Variants in OOSP1 observed in about 807,000 individuals in gnomAD.
The protein encoded by OOSP1 is putative oocyte-secreted protein 1 homolog.
A neutral mutation model predicts 5.7 loss-of-function variants in OOSP1; 11 were observed. That is an observed-to-expected ratio of 1.94 (90% confidence interval 1.22 to 3.20). The LOEUF (loss-of-function observed/expected upper bound fraction) is 3.20. Among genes scored for constraint, OOSP1 ranks in the 30% most tolerant of loss-of-function variants. The pLI, the probability that OOSP1 is intolerant of heterozygous loss-of-function variation, is 0.00. For synonymous variants in OOSP1, 44 were observed against 20.0 expected (o/e 2.20, Z -3.20); for missense variants, 83 against 54.1 (o/e 1.53, Z -1.67).
chr11:59,943,318 C>A (rs1278170027), intron 2 of OOSP1, among the ~76,000 whole-genome samples: 1 of 151,882 alleles, frequency 6.6e-6, no homozygotes, highest in Non-Finnish European at 1.5e-5. Flanking sequence ...TGTAACAAAC[C>A]TGCACGTTGT....
chr11:59,945,112 A>C, intron 2 of OOSP1, 57 bp from the exon 3 acceptor site: 1 of 697,740 alleles, frequency 1.4e-6, no homozygotes, highest in South Asian at 1.5e-5. Flanking sequence ...AAATGCCTGT[A>C]AGTTTCCTGA....
At chr11:59,954,629 T>TTATCTATCTATCTATC (rs55633618) in intron 4 of OOSP1, among the ~76,000 whole-genome samples, 439 of 148,344 alleles carry the variant, frequency 3.0e-3, no homozygotes, top group Middle Eastern at 0.01. Flanking sequence ...TGAAGGGACT[T>TTATCTATCTATCTATC]TATCTATCTA....
intron 3 of OOSP1, among the ~76,000 whole-genome samples, chr11:59,945,981 A>G (rs1010786444): frequency 7.9e-5 from 12 of 151,904 alleles, no homozygotes; most frequent in African/African-American, 2.9e-4. Context: ...GCACACTTTT[A>G]AAAAACCACA....
chr11:59,948,955 C>T (rs1853913939), intron 4 of OOSP1: 1 of 393,246 alleles, frequency 2.5e-6, no homozygotes, highest in Admixed American at 4.4e-5. Context: ...CCACTATTCC[C>T]TTTTTAAAAT....
chr11:59,940,144 C>T (rs548248267), intron 1 of OOSP1, among the ~76,000 whole-genome samples: 169 of 152,306 alleles, frequency 1.1e-3, no homozygotes, highest in African/African-American at 3.9e-3. Context: ...GACATGGGTA[C>T]ATGTTAGAAT....
At chr11:59,954,629 TTATCTATCTATCTATC>T (rs55633618) in intron 4 of OOSP1, among the ~76,000 whole-genome samples, 13 of 148,346 alleles carry the variant, frequency 8.8e-5, no homozygotes, top group African/African-American at 2.7e-4. Flanking sequence ...TGAAGGGACT[TTATCTATCTATCTATC>T]TATCTATCTA....
At chr11:59,946,957 ATCTATCTATCTGTCTATCTACTC>A (rs1565232400) in intron 3 of OOSP1, among the ~76,000 whole-genome samples, 3 of 145,842 alleles carry the variant, frequency 2.1e-5, no homozygotes, top group East Asian at 2.0e-4. Flanking sequence ...CTATCTATCT[ATCTATCTATCTGTCTATCTACTC>A]TGTACCCACA....
chr11:59,946,621 G>C (rs1371086722), intron 3 of OOSP1, among the ~76,000 whole-genome samples: 1 of 152,150 alleles, frequency 6.6e-6, no homozygotes, highest in African/African-American at 2.4e-5. Flanking sequence ...CTGAAAACCT[G>C]ATAGGTTTTC....
At chr11:59,957,080 T>G (rs1854000534) in intron 4 of OOSP1, 115 bp from the exon 5 acceptor site, 1 of 391,532 alleles carries the variant, frequency 2.6e-6, no homozygotes, top group Non-Finnish European at 4.5e-6. Context: ...GCCTTTCTGT[T>G]CACTTTTACC....
At chr11:59,939,021 A>G (rs1024358550) in intron 1 of OOSP1, among the ~76,000 whole-genome samples, 2 of 152,186 alleles carry the variant, frequency 1.3e-5, no homozygotes, top group Non-Finnish European at 2.9e-5. Context: ...AGGTTTTCCC[A>G]GTACTTTTCC....
chr11:59,943,088 T>A, intron 2 of OOSP1, 60 bp downstream of exon 2: 1 of 678,460 alleles, frequency 1.5e-6, no homozygotes, highest in Non-Finnish European at 2.7e-6. Flanking sequence ...TTCCCCTTCC[T>A]GTGTCCATGT....
chr11:59,940,645 G>A (rs762260100), intron 1 of OOSP1, among the ~76,000 whole-genome samples: 61 of 152,262 alleles, frequency 4.0e-4, no homozygotes, highest in Admixed American at 1.1e-3. Flanking sequence ...GTGTGGGGCC[G>A]TTACAAATAA....
intron 2 of OOSP1, among the ~76,000 whole-genome samples, chr11:59,944,210 G>C (rs941902753): frequency 4.3e-4 from 66 of 152,188 alleles, no homozygotes; most frequent in African/African-American, 1.6e-3. Context: ...ATTCCTGGAG[G>C]GGGTGAGAGC....
intron 2 of OOSP1, 67 bp downstream of exon 2, chr11:59,943,095 A>C (rs2134565348): frequency 1.5e-6 from 1 of 656,566 alleles, no homozygotes; most frequent in South Asian, 1.6e-5. Context: ...TCCTGTGTCC[A>C]TGTGTTCTCA....
intron 1 of OOSP1, among the ~76,000 whole-genome samples, chr11:59,940,258 C>T (rs1339369091): frequency 1.3e-5 from 2 of 152,186 alleles, no homozygotes; most frequent in East Asian, 1.9e-4. Context: ...TATTCACTGA[C>T]CTGCTCTTCA....
intron 4 of OOSP1, among the ~76,000 whole-genome samples, chr11:59,951,326 G>A (rs1005494407): frequency 3.9e-5 from 6 of 151,922 alleles, no homozygotes; most frequent in Admixed American, 6.6e-5. Context: ...AGATCGCTGA[G>A]CACAGTTTTC....
At chr11:59,941,966 T>C (rs1002250953) in intron 1 of OOSP1, among the ~76,000 whole-genome samples, 11 of 152,208 alleles carry the variant, frequency 7.2e-5, no homozygotes, top group African/African-American at 2.4e-4. Context: ...TGGCTGATGA[T>C]ATTAAACATC....
chr11:59,945,750 CAAAAAAAAAA>C (rs67604320), intron 3 of OOSP1, among the ~76,000 whole-genome samples: 7 of 45,822 alleles, frequency 1.5e-4, no homozygotes, highest in Admixed American at 3.6e-4. Flanking sequence ...GACTCTGTCT[CAAAAAAAAAA>C]AAAAAAAAAA....
rs536031306 is a variant in OOSP1, at chr11:59,942,116, A to G, written c.77-731A>G. Among the ~76,000 whole-genome samples the G allele has an allele frequency of 3.4e-4, 52 of 152,214 alleles. 1 individual carries two copies. The South Asian group carries it at 0.011, about 31-fold the overall frequency. On this transcript the variant is annotated intron_variant, in intron 1 of 4. Transcript: ENST00000646685. ...CTAGTATCTTAAGAGCAACTGATAA[A>G]ATTTTCCTTTAGTGAAGTCTAGAAG... is the stretch of plus-strand genomic sequence containing the variant.
Sources: allele counts gnomAD v4.1 joint callset (sites outside exome capture counted in the v4.1 genomes callset), GRCh38; gene constraint gnomAD v4.1.1; transcripts MANE v1.5; gene names NCBI Gene and HGNC (gene_info 2026-07-23, HGNC 2026-07-21).